The following MEGF10 variants were observed in gnomAD, a reference collection of about 807,000 sequenced individuals.
The protein encoded by MEGF10 is multiple EGF like domains 10.
A neutral mutation model predicts 147.5 loss-of-function variants in MEGF10; 86 were observed. The observed-to-expected ratio is 0.58, with a 90% confidence interval of 0.49 to 0.70. The LOEUF is 0.70. Among genes scored for constraint, MEGF10 ranks in the 30% least tolerant of loss-of-function variants. The pLI is 0.00. For missense variants in MEGF10, 1,329 were observed against 1,487.3 expected (o/e 0.89, Z 1.75); for synonymous variants, 478 against 525.5 (o/e 0.91, Z 1.24).
At chr5:127,361,220 T>C (rs1383319421) in intron 4 of MEGF10, among the ~76,000 whole-genome samples, 1 of 152,048 alleles carries the variant, frequency 6.6e-6, no homozygotes, top group African/African-American at 2.4e-5. Context: ...ATTTAATTGC[T>C]TTAAAATATA....
chr5:127,321,597 G>A (rs1278911141), intron 1 of MEGF10, among the ~76,000 whole-genome samples: 1 of 152,146 alleles, frequency 6.6e-6, no homozygotes, highest in African/African-American at 2.4e-5. Context: ...TTGAGGAAAG[G>A]AAGGCTTAAC....
chr5:127,430,589 ATATT>A (rs1300021536), intron 13 of MEGF10, among the ~76,000 whole-genome samples: 2 of 152,190 alleles, frequency 1.3e-5, no homozygotes, highest in Non-Finnish European at 2.9e-5. Flanking sequence ...TAGAATATCA[ATATT>A]CTCCAGAGAA....
In MEGF10 at chr5:127,340,643, G is replaced by T. The variant is rs1561581149; in HGVS notation, c.319+13G>T. The T allele has an allele frequency of 6.2e-7, 1 of 1,604,902 alleles. No individual in the cohort carries two copies. Among genetic ancestry groups the T allele is most frequent in the Non-Finnish European group, 8.5e-7 (1 of 1,172,240 alleles). The stretch of plus-strand genomic sequence containing the variant: ...GAAATGTGTGTCCGTAAGTAAGACT[G>T]TCACCCCTTTGAGATTCGCTAGTTT... On this transcript the variant is annotated intron_variant, in intron 4 of 24. Coordinates refer to ENST00000503335, the MANE Select transcript of MEGF10 (RefSeq NM_001256545.2).
intron 1 of MEGF10, among the ~76,000 whole-genome samples, chr5:127,309,953 C>CCTTCTT (rs1561561854): frequency 1.8e-5 from 1 of 54,370 alleles, no homozygotes; most frequent in East Asian, 2.8e-4. Flanking sequence ...CCAACTCTTT[C>CCTTCTT]TTTCTTTCTT....
chr5:127,382,534 T>G (rs1763298813), intron 5 of MEGF10, among the ~76,000 whole-genome samples: 1 of 152,198 alleles, frequency 6.6e-6, no homozygotes, highest in Admixed American at 6.5e-5. Flanking sequence ...AAAAAGAAAC[T>G]TATGTGGTAA....
chr5:127,287,057 T>C (rs868335286), upstream of MEGF10, among the ~76,000 whole-genome samples: 1 of 151,928 alleles, frequency 6.6e-6, no homozygotes, highest in African/African-American at 2.4e-5. Context: ...TTTCAACTGA[T>C]ACAGAAAAAC....
upstream of MEGF10, among the ~76,000 whole-genome samples, chr5:127,286,631 A>G (rs1269655769): frequency 1.3e-5 from 2 of 151,900 alleles, no homozygotes; most frequent in Admixed American, 1.3e-4. Flanking sequence ...AAAAAAATCT[A>G]AAAATCAATA....
intron 8 of MEGF10, 113 bp downstream of exon 8, chr5:127,402,795 C>T: frequency 9.0e-7 from 1 of 1,114,638 alleles, no homozygotes. Context: ...CATAATATTT[C>T]AGAAGTAGCT....
At chr5:127,451,466 C>T (rs753171870) in intron 22 of MEGF10, among the ~76,000 whole-genome samples, 17 of 152,078 alleles carry the variant, frequency 1.1e-4, no homozygotes, top group Admixed American at 3.3e-4. Context: ...TATTTACATA[C>T]GAGACTCACA....
At chr5:127,366,500 G>C (rs1762660609) in intron 4 of MEGF10, among the ~76,000 whole-genome samples, 1 of 152,156 alleles carries the variant, frequency 6.6e-6, no homozygotes, top group African/African-American at 2.4e-5. Flanking sequence ...TCAATGCTCA[G>C]AGGTGATTCC....
At chr5:127,420,471 C>T (rs1203996645) in intron 12 of MEGF10, among the ~76,000 whole-genome samples, 1 of 151,978 alleles carries the variant, frequency 6.6e-6, no homozygotes, top group Admixed American at 6.5e-5. Flanking sequence ...CCACCCTTTA[C>T]TTTCTGTTTC....
chr5:127,333,383 C>A lies in MEGF10; in HGVS notation c.116+1959C>A, dbSNP rs180814675. ...ATACAAAAAGCCAAGTGTGGTGGTG[C>A]ATGCCTGTAATCCAGCTACTTGGGG... On this transcript the variant is annotated intron_variant, in intron 2 of 24. Coordinates refer to ENST00000503335, the MANE Select transcript of MEGF10 (RefSeq NM_001256545.2). 2.5e-4 allele frequency among the ~76,000 whole-genome samples: 38 copies of A among 152,068 alleles called. No individual in the cohort carries two copies. In the East Asian group the frequency reaches 3.3e-3, roughly 13 times the overall value.
At chr5:127,381,479 G>T (rs1375335202) in intron 5 of MEGF10, among the ~76,000 whole-genome samples, 1 of 152,184 alleles carries the variant, frequency 6.6e-6, no homozygotes, top group Non-Finnish European at 1.5e-5. Flanking sequence ...CGTGCTCAGA[G>T]TGAAGTGATG....
chr5:127,296,006 A>G (rs1416748801), intron 1 of MEGF10, among the ~76,000 whole-genome samples: 2 of 152,088 alleles, frequency 1.3e-5, no homozygotes. Context: ...TTCATTCTTC[A>G]TATCTGAATG....
intron 1 of MEGF10, among the ~76,000 whole-genome samples, chr5:127,327,538 A>G (rs1035403646): frequency 6.6e-6 from 1 of 152,172 alleles, no homozygotes; most frequent in Non-Finnish European, 1.5e-5. Context: ...ATGACACAGC[A>G]TAGAAGAGAG....
At chr5:127,344,523 G>T (rs1761806248) in intron 4 of MEGF10, among the ~76,000 whole-genome samples, 1 of 151,932 alleles carries the variant, frequency 6.6e-6, no homozygotes, top group Non-Finnish European at 1.5e-5. Flanking sequence ...ACTGAAATTG[G>T]CAGAGTAGCT....
In MEGF10 at chr5:127,460,584, T is replaced by C; in HGVS notation, c.*3266T>C. 6.6e-6 allele frequency: 1 copy of C among 152,196 alleles called. No individual in the cohort carries two copies. The allele number at this position is 152,196 out of a possible 1,614,324, so 9.4% of individuals were successfully genotyped here. On this transcript the variant is annotated 3_prime_UTR_variant, in exon 25 of 25. Coordinates refer to ENST00000503335, the MANE Select transcript of MEGF10 (RefSeq NM_001256545.2). ...CAACTTTATGAAAGTGTGGTCATCT[T>C]GACCCCCAAAGAGCCACAGTAGCTG...
intron 4 of MEGF10, among the ~76,000 whole-genome samples, chr5:127,350,570 G>A (rs1300923429): frequency 1.3e-5 from 2 of 151,628 alleles, no homozygotes; most frequent in Admixed American, 6.6e-5. Context: ...CAGGCACACC[G>A]AAGACTGAAG....
intron 5 of MEGF10, among the ~76,000 whole-genome samples, chr5:127,371,191 C>CTGTGTGTGTGTGTGTG (rs10591122): frequency 7.9e-6 from 1 of 126,166 alleles, no homozygotes; most frequent in Non-Finnish European, 1.7e-5. Flanking sequence ...GGGACTGGGA[C>CTGTGTGTGTGTGTGTG]TGTGTGTGTG....
Sources: allele counts gnomAD v4.1 joint callset (sites outside exome capture counted in the v4.1 genomes callset), GRCh38; gene constraint gnomAD v4.1.1; transcripts MANE v1.5; gene names NCBI Gene and HGNC (gene_info 2026-07-23, HGNC 2026-07-21).